Variants in RALYL observed in about 807,000 individuals in gnomAD.
The protein encoded by RALYL is RNA-binding Raly-like protein.
A neutral mutation model predicts 35.1 loss-of-function variants in RALYL; 29 were observed. The observed-to-expected ratio is 0.83, with a 90% CI of 0.61 to 1.13. The LOEUF (loss-of-function observed/expected upper bound fraction) is 1.13. RALYL is among the 50% of genes most tolerant of loss of function. The pLI, the probability that RALYL is intolerant of heterozygous loss-of-function variation, is 0.00. For missense variants in RALYL, 359 were observed against 360.4 expected (o/e 1.00, Z 0.03); for synonymous variants, 120 against 127.6 (o/e 0.94, Z 0.40).
At chr8:84,604,265 G>A (rs549123755) in intron 2 of RALYL, among the ~76,000 whole-genome samples, 1 of 152,214 alleles carries the variant, frequency 6.6e-6, no homozygotes, top group South Asian at 2.1e-4. Context: ...ATTCAGGAAA[G>A]TATACTAAGT....
At chr8:84,704,411 C>T (rs953660473) in intron 2 of RALYL, among the ~76,000 whole-genome samples, 10 of 148,252 alleles carry the variant, frequency 6.7e-5, no homozygotes, top group Admixed American at 2.0e-4. Flanking sequence ...GGTAACAGAG[C>T]GAGACTCTAT....
chr8:84,817,979 A>C (rs1356181469), intron 4 of RALYL, among the ~76,000 whole-genome samples: 1 of 152,202 alleles, frequency 6.6e-6, no homozygotes, highest in Non-Finnish European at 1.5e-5. Context: ...ATCTTTTCTA[A>C]AGTTTCACTG....
chr8:84,471,351 A>C (rs1247941569), intron 1 of RALYL, among the ~76,000 whole-genome samples: 1 of 151,870 alleles, frequency 6.6e-6, no homozygotes, highest in East Asian at 1.9e-4. Context: ...GAGATGCCAA[A>C]GTGGGAGGAT....
chr8:84,808,212 C>A (rs955418609), intron 4 of RALYL, among the ~76,000 whole-genome samples: 26 of 152,260 alleles, frequency 1.7e-4, no homozygotes, highest in African/African-American at 6.3e-4. Context: ...GTTTCATTCT[C>A]CTACATGTGG....
intron 2 of RALYL, among the ~76,000 whole-genome samples, chr8:84,755,419 T>A (rs1158201566): frequency 6.6e-6 from 1 of 152,170 alleles, no homozygotes; most frequent in Non-Finnish European, 1.5e-5. Context: ...TTACTTTAAA[T>A]CTCCGTAGTC....
intron 1 of RALYL, among the ~76,000 whole-genome samples, chr8:84,477,370 T>TTTG (rs2053544679): frequency 6.7e-6 from 1 of 149,996 alleles, no homozygotes; most frequent in Admixed American, 6.6e-5. Context: ...TACATATATT[T>TTTG]TAATATAATG....
intron 1 of RALYL, among the ~76,000 whole-genome samples, chr8:84,383,944 C>G (rs1267427903): frequency 2.0e-5 from 3 of 151,638 alleles, no homozygotes; most frequent in African/African-American, 7.3e-5. Context: ...ATGAAAATAT[C>G]TAAAAGGATA....
intron 8 of RALYL, among the ~76,000 whole-genome samples, chr8:84,913,036 G>GATGGA (rs1847810602): frequency 3.0e-5 from 3 of 100,842 alleles, no homozygotes; most frequent in African/African-American, 1.1e-4. Flanking sequence ...GGATGGATAG[G>GATGGA]TAGGTAGATA....
chr8:84,865,730 C>T (rs536862291), intron 6 of RALYL, among the ~76,000 whole-genome samples: 39 of 152,184 alleles, frequency 2.6e-4, no homozygotes, highest in Non-Finnish European at 3.2e-4. Flanking sequence ...AAAAAAAATT[C>T]GATCAAGTCA....
chr8:84,409,691 C>T (rs1402214079), intron 1 of RALYL, among the ~76,000 whole-genome samples: 1 of 151,884 alleles, frequency 6.6e-6, no homozygotes, highest in East Asian at 1.9e-4. Context: ...TTGTACTGGA[C>T]CAAAGATTGT....
chr8:84,417,458 T>C (rs80084089), intron 1 of RALYL, among the ~76,000 whole-genome samples: 6,232 of 152,138 alleles, frequency 0.041, 156 homozygotes, highest in Middle Eastern at 0.054. Flanking sequence ...ACTACTTTTC[T>C]ATTGGGTTGC....
chr8:84,830,027 G>C (rs965948355), intron 4 of RALYL, among the ~76,000 whole-genome samples: 2 of 134,132 alleles, frequency 1.5e-5, no homozygotes, highest in African/African-American at 2.7e-5. Flanking sequence ...GGGGGGGGGG[G>C]GGCATTTTAA....
chr8:84,766,903 C>T (rs770844765), intron 2 of RALYL, among the ~76,000 whole-genome samples: 17 of 151,820 alleles, frequency 1.1e-4, no homozygotes, highest in Admixed American at 2.6e-4. Context: ...AACAACAGTG[C>T]GTGGGGTGCT....
At chr8:84,846,247 A>T (rs957446172) in intron 4 of RALYL, among the ~76,000 whole-genome samples, 6 of 152,222 alleles carry the variant, frequency 3.9e-5, no homozygotes, top group Non-Finnish European at 7.3e-5. Flanking sequence ...GGCCATTTTA[A>T]TGATGCTGAT....
intron 3 of RALYL, among the ~76,000 whole-genome samples, chr8:84,798,241 A>C (rs900700016): frequency 3.3e-5 from 5 of 152,092 alleles, no homozygotes; most frequent in Non-Finnish European, 7.3e-5. Flanking sequence ...ATCTTCTCCA[A>C]TATATCCCAA....
chr8:84,349,801 C>A (rs894085109), intron 1 of RALYL, among the ~76,000 whole-genome samples: 5 of 150,068 alleles, frequency 3.3e-5, no homozygotes, highest in Non-Finnish European at 7.4e-5. Context: ...TGAACATGAG[C>A]CTAGTAACTA....
intron 2 of RALYL, among the ~76,000 whole-genome samples, chr8:84,719,948 G>A (rs1318920992): frequency 6.6e-6 from 1 of 151,980 alleles, no homozygotes; most frequent in Non-Finnish European, 1.5e-5. Context: ...ATCTTTGGTA[G>A]CCACAATTCT....
At chr8:84,470,497 C>A (rs537218067) in intron 1 of RALYL, among the ~76,000 whole-genome samples, 1 of 150,432 alleles carries the variant, frequency 6.6e-6, no homozygotes, top group African/African-American at 2.4e-5. Flanking sequence ...CCAAAAAAAG[C>A]CTTTTTGAGC....
At chr8:84,415,205 G>GTT (rs33962115) in intron 1 of RALYL, among the ~76,000 whole-genome samples, 101 of 54,652 alleles carry the variant, frequency 1.8e-3, no homozygotes, top group Admixed American at 8.7e-3. Flanking sequence ...GCAGACACTC[G>GTT]TTTTTTTTTT....
Sources: gnomAD v4.1 joint callset for allele counts (sites outside exome capture counted in the v4.1 genomes callset) on GRCh38, gnomAD v4.1.1 for gene constraint, MANE v1.5 for transcripts, NCBI Gene and HGNC (gene_info 2026-07-23, HGNC 2026-07-21) for gene names.